Variants in SCD5 observed in about 807,000 individuals in gnomAD.
The protein encoded by SCD5 is acyl-CoA-desaturase 4.
In SCD5, 20 loss-of-function variants were observed where a neutral mutation model predicts 30.4. The ratio of observed to expected loss-of-function variants is 0.66; its 90% confidence interval spans 0.46 to 0.96. The LOEUF (loss-of-function observed/expected upper bound fraction) is 0.96. Among genes scored for constraint, SCD5 ranks in the 40% least tolerant of loss-of-function variants. The pLI is 0.00. For synonymous variants in SCD5, 173 were observed against 176.4 expected (o/e 0.98, Z 0.16); for missense variants, 381 against 443.3 (o/e 0.86, Z 1.26).
At chr4:82,649,270 A>T (rs1727696625) in intron 3 of SCD5, among the ~76,000 whole-genome samples, 1 of 151,970 alleles carries the variant, frequency 6.6e-6, no homozygotes, top group African/African-American at 2.4e-5. Context: ...GTACTGTAAT[A>T]AAAAAATCCA....
intron 2 of SCD5, among the ~76,000 whole-genome samples, chr4:82,704,817 G>A (rs1269817540): frequency 6.6e-6 from 1 of 152,204 alleles, no homozygotes; most frequent in Non-Finnish European, 1.5e-5. Context: ...GCCTAGCCCT[G>A]AATGTACTGC....
At chr4:82,640,323 G>A (rs1455387041) in intron 3 of SCD5, among the ~76,000 whole-genome samples, 1 of 152,186 alleles carries the variant, frequency 6.6e-6, no homozygotes, top group African/African-American at 2.4e-5. Flanking sequence ...AGGAGGAAAA[G>A]GCCCGGGCTT....
chr4:82,685,321 A>AAGCC (rs758075085), intron 2 of SCD5, among the ~76,000 whole-genome samples: 6 of 152,158 alleles, frequency 3.9e-5, no homozygotes, highest in Non-Finnish European at 8.8e-5. Context: ...AATATAACTC[A>AAGCC]AGCCACATAA....
At chr4:82,737,114 A>C (rs889149158) in intron 1 of SCD5, among the ~76,000 whole-genome samples, 1 of 152,156 alleles carries the variant, frequency 6.6e-6, no homozygotes, top group Non-Finnish European at 1.5e-5. Flanking sequence ...GTTGCTTTCC[A>C]GAAATATTGT....
intron 1 of SCD5, among the ~76,000 whole-genome samples, chr4:82,770,042 T>A (rs966552759): frequency 6.6e-6 from 1 of 152,204 alleles, no homozygotes; most frequent in Non-Finnish European, 1.5e-5. Flanking sequence ...TTATTTTTTA[T>A]TTTTTATTAT....
chr4:82,688,253 T>C (rs76481354), intron 2 of SCD5, among the ~76,000 whole-genome samples: 2,125 of 152,296 alleles, frequency 0.014, 48 homozygotes, highest in African/African-American at 0.049. Flanking sequence ...AGGCAGGTTT[T>C]AGAGTAGAAA....
At chr4:82,755,542 G>A (rs1721216706) in intron 1 of SCD5, among the ~76,000 whole-genome samples, 1 of 147,906 alleles carries the variant, frequency 6.8e-6, no homozygotes, top group African/African-American at 2.5e-5. Context: ...TAGATGTGGG[G>A]AGAGGGAATG....
chr4:82,648,397 T>C (rs1727674152), intron 3 of SCD5, among the ~76,000 whole-genome samples: 1 of 152,184 alleles, frequency 6.6e-6, no homozygotes, highest in Non-Finnish European at 1.5e-5. Context: ...CCAAAGCCAG[T>C]TGGAGTGCAC....
intron 1 of SCD5, among the ~76,000 whole-genome samples, chr4:82,719,284 A>G (rs1203898083): frequency 6.6e-6 from 1 of 151,546 alleles, no homozygotes; most frequent in East Asian, 1.9e-4. Context: ...ATACAGTAGT[A>G]CATGCACTCT....
At chr4:82,727,262 A>G (rs1157811552) in intron 1 of SCD5, among the ~76,000 whole-genome samples, 2 of 152,220 alleles carry the variant, frequency 1.3e-5, no homozygotes, top group Non-Finnish European at 2.9e-5. Context: ...CACCACCTGC[A>G]TTGTCTCTGG....
Position 82,718,617 on chromosome 4 carries a change from C to A in SCD5, c.233-13204G>T, listed in dbSNP as rs547723101. On this transcript the variant is annotated intron_variant, in intron 1 of 4. Coordinates refer to ENST00000319540, the MANE Select transcript of SCD5 (RefSeq NM_001037582.3). ...GTTGTTGTTATCACAATGTTTCTGG[C>A]TTAAATAGAAAAAAAAGATGAAATT... Among the ~76,000 whole-genome samples the A allele has an allele frequency of 2.0e-5, 3 of 151,756 alleles. No homozygotes were observed. The East Asian group carries it at 5.8e-4, about 29-fold the overall frequency.
At chr4:82,702,159 T>G (rs867166235) in intron 2 of SCD5, among the ~76,000 whole-genome samples, 10 of 113,576 alleles carry the variant, frequency 8.8e-5, no homozygotes, top group African/African-American at 2.9e-4. Context: ...TTTTTTTTTT[T>G]TGTGAGATGG....
rs149497086 is a variant in SCD5 at position 82,682,667 on chromosome 4, G to C, written c.364-1755C>G. The stretch of plus-strand genomic sequence containing the variant: ...ATTGTTTTGTTTTTGTTTGTTTTTT[G>C]AGACAGTCTTGCTCTATTGCCCAGG... On this transcript the variant is annotated intron_variant, in intron 2 of 4. Transcript: ENST00000319540. Among the ~76,000 whole-genome samples, 362 of 152,128 alleles carry C rather than the reference G, an allele frequency of 2.4e-3. 4 individuals are homozygous for C. The highest frequency in any genetic ancestry group is 8.1e-3 in the African/African-American group (336 of 41,524).
intron 3 of SCD5, among the ~76,000 whole-genome samples, chr4:82,642,220 C>T (rs1017942037): frequency 1.3e-5 from 2 of 152,064 alleles, no homozygotes; most frequent in East Asian, 1.9e-4. Flanking sequence ...ACAGCCACAC[C>T]GGTTGTATAC....
chr4:82,776,562 C>T (rs773935981), intron 1 of SCD5, among the ~76,000 whole-genome samples: 4 of 152,068 alleles, frequency 2.6e-5, no homozygotes, highest in South Asian at 4.1e-4. Flanking sequence ...TCAAAGCATC[C>T]GAGGATTCAC....
chr4:82,692,701 A>T (rs1256457288), intron 2 of SCD5, among the ~76,000 whole-genome samples: 1 of 152,220 alleles, frequency 6.6e-6, no homozygotes. Flanking sequence ...TTTTAAGGTG[A>T]TGGAAAAGGC....
chr4:82,760,540 C>T (rs566466438), intron 1 of SCD5, among the ~76,000 whole-genome samples: 43 of 152,274 alleles, frequency 2.8e-4, no homozygotes, highest in African/African-American at 9.4e-4. Flanking sequence ...GTTCTACACA[C>T]GCACCACCAC....
rs866703251 is a variant in SCD5, at chr4:82,631,086, G to A, written c.*241C>T. 4.2e-5 allele frequency: 15 copies of A among 359,328 alleles called. 1 individual carries two copies. The highest frequency in any genetic ancestry group is 1.9e-4 in the African/African-American group (9 of 47,480). The allele number at this position is 359,328 out of a possible 1,614,324, so 22.3% of individuals were successfully genotyped here. A position where few individuals can be genotyped will look rare whatever the true frequency, so the allele number is the denominator to read the frequency against. On this transcript the variant is annotated 3_prime_UTR_variant, in exon 5 of 5. Coordinates refer to ENST00000319540, the MANE Select transcript of SCD5 (RefSeq NM_001037582.3). ...AGACTGCGCCACTGCACTCCAGCCT[G>A]GGTGACAGAGTGAGACTCTGTCTCA...
intron 3 of SCD5, among the ~76,000 whole-genome samples, chr4:82,663,817 T>C (rs1447405772): frequency 6.6e-6 from 1 of 152,098 alleles, no homozygotes; most frequent in Non-Finnish European, 1.5e-5. Flanking sequence ...CAAAGAAACA[T>C]TGCTGCTGAG....
Sources: allele counts gnomAD v4.1 joint callset (sites outside exome capture counted in the v4.1 genomes callset), GRCh38; gene constraint gnomAD v4.1.1; transcripts MANE v1.5; gene names NCBI Gene and HGNC (gene_info 2026-07-23, HGNC 2026-07-21).